Variants in ALG12 observed in about 807,000 individuals in gnomAD.
ALG12 encodes dol-P-Man:Man(7)GlcNAc(2)-PP-Dol alpha-1,6-mannosyltransferase.
ALG12 carries 36 observed loss-of-function variants against 46.0 expected under a neutral mutation model. The ratio of observed to expected loss-of-function variants is 0.78; its 90% CI spans 0.60 to 1.03. The LOEUF (loss-of-function observed/expected upper bound fraction) is 1.03, where lower values mean the gene tolerates loss of function less well. Among genes scored for constraint, ALG12 ranks in the 50% least tolerant of loss-of-function variants. The probability of loss-of-function intolerance (pLI) is 0.00; values close to 1 mark genes in which losing one functional copy is unlikely to be tolerated. For synonymous variants in ALG12, 326 were observed against 291.6 expected (o/e 1.12, Z -1.20); for missense variants, 599 against 633.5 (o/e 0.95, Z 0.58).
At chr22:49,865,405 T>C in the ALG12 span, among the ~76,000 whole-genome samples, 1 of 152,086 alleles carries the variant, frequency 6.6e-6, no homozygotes, top group Non-Finnish European at 1.5e-5. Flanking sequence ...ATCCCAGCAC[T>C]TCGGGGGCTA....
chr22:49,881,056 C>T, the ALG12 span, among the ~76,000 whole-genome samples: 2 of 152,180 alleles, frequency 1.3e-5, no homozygotes, highest in African/African-American at 2.4e-5. Context: ...AAAAATGTTT[C>T]ATTTTCTGGC....
chr22:49,912,118 A>T (rs1423597095), intron 3 of ALG12, among the ~76,000 whole-genome samples: 1 of 148,538 alleles, frequency 6.7e-6, no homozygotes, highest in Admixed American at 6.6e-5. Context: ...CCCCGGGATC[A>T]GCCTGGCCCC....
the ALG12 span, chr22:49,884,304 T>C: frequency 6.2e-7 from 1 of 1,613,640 alleles, no homozygotes; most frequent in Admixed American, 1.7e-5. Context: ...AAGTGGCGTC[T>C]AAGATCCCGT....
intron 3 of ALG12, among the ~76,000 whole-genome samples, chr22:49,911,709 C>T (rs1356056376): frequency 6.6e-6 from 1 of 152,208 alleles, no homozygotes; most frequent in Admixed American, 6.5e-5. Flanking sequence ...GCTGGGATTA[C>T]AGGCGTGAGC....
the ALG12 span, among the ~76,000 whole-genome samples, chr22:49,877,209 C>T: frequency 1.3e-5 from 2 of 148,174 alleles, no homozygotes; most frequent in African/African-American, 4.9e-5. Flanking sequence ...GGAAGTCTTG[C>T]TTTTTTATTC....
At position 49,903,028 on chromosome 22, in the gene ALG12, C is replaced by A. The variant is rs537351104; in HGVS notation, c.*810G>T. Reference sequence around the variant, plus strand: ...TATGCATGGTGTGTGCATACGTGTGCAGCAGCACCTGGTCCCATCTCCAGT... The same window carrying A: ...TATGCATGGTGTGTGCATACGTGTGAAGCAGCACCTGGTCCCATCTCCAGT... On this transcript the variant is annotated 3_prime_UTR_variant, in exon 10 of 10. Coordinates refer to ENST00000330817, the MANE Select transcript of ALG12 (RefSeq NM_024105.4). The A allele has an allele frequency of 5.7e-4, 199 of 347,846 alleles. 1 individual carries two copies. The highest frequency in any genetic ancestry group is 5.3e-3 in the Middle Eastern group (5 of 950). 21.5% of individuals were successfully genotyped at this position (347,846 alleles called of 1,614,324 possible).
At chr22:49,867,846 A>G in the ALG12 span, among the ~76,000 whole-genome samples, 1 of 152,228 alleles carries the variant, frequency 6.6e-6, no homozygotes, top group Non-Finnish European at 1.5e-5. Flanking sequence ...CGAGCATCAT[A>G]GCTTAGTCCA....
At chr22:49,884,405 A>C in the ALG12 span, 31 of 1,613,258 alleles carry the variant, frequency 1.9e-5, no homozygotes, top group Middle Eastern at 1.6e-4. Flanking sequence ...TGCGGCAGAG[A>C]AGAAGCCCTG....
rs146381177 is a variant in ALG12 at position 49,901,652 on chromosome 22, T to TTGTG, written c.*2185_*2186insCACA. ...GTATGTATGGTGTGTGCACGTGTGA[T>TTGTG]CATGCATGTATGGTGTGTATGCATG... On this transcript the variant is annotated 3_prime_UTR_variant, in exon 10 of 10. Coordinates refer to ENST00000330817, the MANE Select transcript of ALG12 (RefSeq NM_024105.4). The TTGTG allele has an allele frequency of 1.4e-5, 2 of 148,056 alleles. No individual in the cohort carries two copies. Among genetic ancestry groups the TTGTG allele is most frequent in the African/African-American group, 5.0e-5 (2 of 40,366 alleles). The allele number at this position is 148,056 out of a possible 1,614,324, so 9.2% of individuals were successfully genotyped here.
At position 49,901,790 on chromosome 22, in the gene ALG12, G is replaced by C. The variant is rs2060508525; in HGVS notation, c.*2048C>G. On this transcript the variant is annotated 3_prime_UTR_variant, in exon 10 of 10. Transcript: ENST00000330817. ...GGTAATGTGCACGTGTGCACTGTGT[G>C]TGGTATGTATGCATGGTGTGTGCAC... 7.6e-6 allele frequency: 1 copy of C among 131,898 alleles called. No homozygotes were observed. Among genetic ancestry groups the C allele is most frequent in the Non-Finnish European group, 1.6e-5 (1 of 64,040 alleles). The allele number at this position is 131,898 out of a possible 1,614,324, so 8.2% of individuals were successfully genotyped here.
At chr22:49,899,397 G>C (rs2060495143), downstream of ALG12, among the ~76,000 whole-genome samples, 1 of 151,440 alleles carries the variant, frequency 6.6e-6, no homozygotes, top group Non-Finnish European at 1.5e-5. Flanking sequence ...AGAATCACTC[G>C]AGCCTGGGAG....
At chr22:49,899,583 G>C (rs1435834987), downstream of ALG12, among the ~76,000 whole-genome samples, 1 of 152,040 alleles carries the variant, frequency 6.6e-6, no homozygotes, top group Non-Finnish European at 1.5e-5. Context: ...GGACCACCCT[G>C]TGGAGGGAAC....
rs1463767931 is a variant in ALG12, at chr22:49,913,466, C to A, written c.214G>T (p.Val72Leu). Reference protein sequence around the residue: ...GVVPRTFLGPVVIAVFSSPAV... With the variant: ...GVVPRTFLGPLVIAVFSSPAV... ...GGGCTGGAGAACACTGCGATCACCACTGGCCCGAGGAACGTCCTGGGGACG... is the reference window on the plus strand; with the variant it reads ...GGGCTGGAGAACACTGCGATCACCAATGGCCCGAGGAACGTCCTGGGGACG... The change falls in exon 3 of 10, where the codon GTG becomes TTG. Residue 72 changes from valine to leucine, a missense_variant. By Grantham distance (32) the Val-to-Leu change is conservative. Coordinates refer to ENST00000330817, the MANE Select transcript of ALG12 (RefSeq NM_024105.4). 1 of 1,614,024 alleles carries A rather than the reference C, an allele frequency of 6.2e-7. No individual in the cohort carries two copies. The highest frequency in any genetic ancestry group is 8.5e-7 in the Non-Finnish European group (1 of 1,180,046).
the ALG12 span, among the ~76,000 whole-genome samples, chr22:49,890,693 G>C: frequency 5.3e-5 from 8 of 152,038 alleles, no homozygotes; most frequent in Non-Finnish European, 8.8e-5. Context: ...CTAAAGCTTC[G>C]GCTAACTTTC....
the ALG12 span, among the ~76,000 whole-genome samples, chr22:49,861,907 G>T: frequency 2.0e-5 from 3 of 152,174 alleles, no homozygotes; most frequent in Non-Finnish European, 4.4e-5. Context: ...TGGTTGCTGG[G>T]TGGGAGGATA....
the ALG12 span, chr22:49,884,249 C>T: frequency 3.4e-5 from 55 of 1,603,870 alleles, no homozygotes; most frequent in Middle Eastern, 1.2e-3. Flanking sequence ...CCTGCGGACG[C>T]GGGTGACCTC....
chr22:49,866,580 T>C, the ALG12 span, among the ~76,000 whole-genome samples: 1 of 152,190 alleles, frequency 6.6e-6, no homozygotes, highest in Non-Finnish European at 1.5e-5. Flanking sequence ...TTTCTTTATA[T>C]CATTTTCTTA....
At chr22:49,879,875 C>T in the ALG12 span, among the ~76,000 whole-genome samples, 1 of 72,240 alleles carries the variant, frequency 1.4e-5, no homozygotes, top group African/African-American at 4.5e-5. Flanking sequence ...TGGTTTTTCT[C>T]CTGGTCAGTG....
At chr22:49,887,130 A>G in the ALG12 span, 1 of 1,612,846 alleles carries the variant, frequency 6.2e-7, no homozygotes, top group Non-Finnish European at 8.5e-7. Flanking sequence ...ATTTTGAAAA[A>G]CTTATCTTTT....
Sources: gnomAD v4.1 joint callset for allele counts (sites outside exome capture counted in the v4.1 genomes callset) on GRCh38, gnomAD v4.1.1 for gene constraint, MANE v1.5 for transcripts, NCBI Gene and HGNC (gene_info 2026-07-23, HGNC 2026-07-21) for gene names.